The following SP140 variants were observed in gnomAD, a reference collection of about 807,000 sequenced individuals.
The protein encoded by SP140 is nuclear body protein SP140.
SP140 carries 81 observed loss-of-function variants against 125.0 expected under a neutral mutation model. The ratio of observed to expected loss-of-function variants is 0.65; its 90% CI spans 0.54 to 0.78. The LOEUF is 0.78. Ranked by LOEUF, SP140 falls within the 30% of genes least tolerant of loss-of-function variation. SP140 has a pLI of 0.00. For missense variants in SP140, 858 were observed against 1,037.0 expected (o/e 0.83, Z 2.37); for synonymous variants, 312 against 354.0 (o/e 0.88, Z 1.33).
intron 22 of SP140, among the ~76,000 whole-genome samples, chr2:230,308,620 C>T (rs1575378660): frequency 6.6e-6 from 1 of 152,228 alleles, no homozygotes; most frequent in East Asian, 1.9e-4. Context: ...CAGCCAGTGG[C>T]TGTGGAGGGC....
At chr2:230,292,293 C>T (rs1284875500) in intron 19 of SP140, among the ~76,000 whole-genome samples, 1 of 152,214 alleles carries the variant, frequency 6.6e-6, no homozygotes, top group Non-Finnish European at 1.5e-5. Flanking sequence ...GAGACTCAGG[C>T]CTGGCCTCTA....
chr2:230,258,068 T>A (rs2051554678), intron 12 of SP140, among the ~76,000 whole-genome samples: 1 of 152,128 alleles, frequency 6.6e-6, no homozygotes, highest in Non-Finnish European at 1.5e-5. Context: ...AAGCTATTGT[T>A]GATTAATTGG....
At chr2:230,220,953 G>A (rs148152716), upstream of SP140, among the ~76,000 whole-genome samples, 62 of 151,814 alleles carry the variant, frequency 4.1e-4, no homozygotes, top group Non-Finnish European at 7.8e-4. Flanking sequence ...TCAAGGCTGC[G>A]GTGAGCTATG....
rs370053712 is a variant in SP140, at chr2:230,312,651, G to A, written c.2571G>A (p.Val857=). 5.6e-6 allele frequency: 9 copies of A among 1,612,722 alleles called. No individual in the cohort carries two copies. In the Admixed American group the frequency reaches 1.3e-4, roughly 24 times the overall value. The change falls in exon 27 of 27, where the codon GTG becomes GTA. Residue 857 remains valine (V), a synonymous_variant. Transcript: ENST00000392045. The part of the protein sequence containing the change: ...EAEFEKNFKE[V]FAIQETNGNN ...AGTTTGAGAAGAATTTCAAGGAAGT[G>A]TTTGCTATTCAGGAAACAAATGGGA...
chr2:230,260,503 A>G (rs1368671653), intron 12 of SP140, among the ~76,000 whole-genome samples: 2 of 152,158 alleles, frequency 1.3e-5, no homozygotes, highest in Non-Finnish European at 2.9e-5. Context: ...GTTCTTGGTC[A>G]TGAAGGCCTT....
At chr2:230,271,017 G>A (rs746438055) in intron 15 of SP140, among the ~76,000 whole-genome samples, 11 of 152,148 alleles carry the variant, frequency 7.2e-5, no homozygotes, top group African/African-American at 9.7e-5. Context: ...GATGGAAGAA[G>A]GGACCAAGGA....
chr2:230,231,461 A>G (rs1299921494), intron 1 of SP140, among the ~76,000 whole-genome samples: 1 of 152,194 alleles, frequency 6.6e-6, no homozygotes, highest in Non-Finnish European at 1.5e-5. Context: ...AGAGGTGTCA[A>G]ATTCCTCTAG....
intron 22 of SP140, among the ~76,000 whole-genome samples, chr2:230,309,523 A>T (rs1188978920): frequency 6.6e-6 from 1 of 152,242 alleles, no homozygotes; most frequent in South Asian, 2.1e-4. Flanking sequence ...TTATTCCATC[A>T]TATGTAATTA....
At chr2:230,288,674 G>T (rs551929771) in intron 18 of SP140, among the ~76,000 whole-genome samples, 67 of 152,098 alleles carry the variant, frequency 4.4e-4, no homozygotes, top group South Asian at 8.3e-4. Context: ...CTGTGTCCAT[G>T]TGTCCTTATT....
chr2:230,250,590 C>T (rs2050209553), intron 9 of SP140, among the ~76,000 whole-genome samples: 1 of 151,990 alleles, frequency 6.6e-6, no homozygotes, highest in Non-Finnish European at 1.5e-5. Flanking sequence ...ATGGGGAAAG[C>T]CAATAAAAAG....
intron 22 of SP140, among the ~76,000 whole-genome samples, chr2:230,301,208 GA>G (rs1381511789): frequency 2.6e-5 from 4 of 152,292 alleles, no homozygotes; most frequent in Non-Finnish European, 5.9e-5. Flanking sequence ...TAAAAGTTTG[GA>G]AAACATATTC....
At position 230,309,936 on chromosome 2, in the gene SP140, G is replaced by A. The variant is rs759295706; in HGVS notation, c.2071G>A (p.Asp691Asn). ...TTTTATCTTCTAGATGAGAAACCTGGATGAGTGTGAGGTGTGCCGGGACGG... is the reference window on the plus strand; with the variant it reads ...TTTTATCTTCTAGATGAGAAACCTGAATGAGTGTGAGGTGTGCCGGGACGG... ...SSVDPCMRNLDECEVCRDGGE... is the reference protein window; with the variant it reads ...SSVDPCMRNLNECEVCRDGGE... Residue 691 changes from aspartate to asparagine, a missense_variant, in exon 23 of 27, where the codon GAT becomes AAT. Around this residue, in one of 4 missense-constraint regions of SP140, gnomAD observed 791 missense variants for 869.5 expected, o/e 0.91. Coordinates refer to ENST00000392045, the MANE Select transcript of SP140 (RefSeq NM_007237.5). The A allele has an allele frequency of 6.2e-7, 1 of 1,613,882 alleles. No individual in the cohort carries two copies. The highest frequency in any genetic ancestry group is 1.1e-5 in the South Asian group (1 of 91,076).
rs748538592 is a variant in SP140 at position 230,310,648 on chromosome 2, C to G, written c.2175-95C>G. ...TTCCCCTCCCTCCCATGACTGAGCC[C>G]ATCAGCCATTCCTGAAGGAAGACAG... is the stretch of plus-strand genomic sequence containing the variant. On this transcript the variant is annotated intron_variant, in intron 23 of 26. Coordinates refer to ENST00000392045, the MANE Select transcript of SP140 (RefSeq NM_007237.5). 5.2e-6 allele frequency: 8 copies of G among 1,538,484 alleles called. No individual in the cohort carries two copies. In the Middle Eastern group the frequency reaches 1.2e-3, roughly 239 times the overall value.
chr2:230,284,494 C>A, intron 16 of SP140, 83 bp downstream of exon 16: 1 of 1,174,244 alleles, frequency 8.5e-7, no homozygotes, highest in Admixed American at 2.6e-5. Flanking sequence ...TGCAGTTCCC[C>A]AGAGCCAGAG....
chr2:230,314,001 T>G (rs928237622), downstream of SP140, among the ~76,000 whole-genome samples: 7 of 152,146 alleles, frequency 4.6e-5, no homozygotes, highest in Admixed American at 4.6e-4. Context: ...GAAGAGACCC[T>G]CATACACCTG....
intron 22 of SP140, among the ~76,000 whole-genome samples, chr2:230,297,755 G>A (rs2057888036): frequency 6.6e-6 from 1 of 152,242 alleles, no homozygotes; most frequent in Non-Finnish European, 1.5e-5. Flanking sequence ...TTGAGACAGA[G>A]CCTGAAGTGG....
intron 1 of SP140, chr2:230,212,652 C>A: frequency 7.0e-7 from 1 of 1,434,064 alleles, no homozygotes; most frequent in Non-Finnish European, 9.8e-7. Flanking sequence ...TAGATGGGTG[C>A]AAGAGAAGAA....
intron 22 of SP140, among the ~76,000 whole-genome samples, chr2:230,299,292 C>A (rs1421200675): frequency 6.6e-6 from 1 of 152,212 alleles, no homozygotes; most frequent in Non-Finnish European, 1.5e-5. Flanking sequence ...AAAAGTCCAC[C>A]TCTGAACACA....
At position 230,247,962 on chromosome 2, in the gene SP140, A is replaced by G; in HGVS notation, c.789A>G (p.Thr263=). 6 of 1,613,998 alleles carry G rather than the reference A, an allele frequency of 3.7e-6. No homozygotes were observed. Among genetic ancestry groups the G allele is most frequent in the Non-Finnish European group, 4.2e-6 (5 of 1,179,890 alleles). Residue 263 remains threonine, a synonymous_variant, in exon 8 of 27, where the codon ACA becomes ACG. Coordinates refer to ENST00000392045, the MANE Select transcript of SP140 (RefSeq NM_007237.5). ...GMIDAARTYS[T]APGEKQGEEE... is the part of the protein sequence containing the mutation. ...TAGATGCGGCAAGGACATACAGCAC[A>G]GCACCAGGGGAGAAACAGGGAGAGG...
Sources: allele counts gnomAD v4.1 joint callset (sites outside exome capture counted in the v4.1 genomes callset), GRCh38; gene constraint gnomAD v4.1.1; regional missense constraint gnomAD v4.1.1; transcripts MANE v1.5; gene names NCBI Gene and HGNC (gene_info 2026-07-23, HGNC 2026-07-21).